Variants in SPMIP11 observed in about 807,000 individuals in gnomAD.
The protein encoded by SPMIP11 is long intergenic non-protein coding RNA 935.
chr12:48,762,722 T>C, the SPMIP11 span, among the ~76,000 whole-genome samples: 1 of 152,002 alleles, frequency 6.6e-6, no homozygotes, highest in African/African-American at 2.4e-5. Context: ...GATCACTGAT[T>C]TCCAAAGCGG....
At chr12:48,746,782 A>G in the SPMIP11 span, among the ~76,000 whole-genome samples, 5 of 148,604 alleles carry the variant, frequency 3.4e-5, no homozygotes, top group East Asian at 4.4e-4. Context: ...TTAGCTGGGC[A>G]TGGTGGTGCA....
chr12:48,764,805 G>C, the SPMIP11 span: 1 of 696,558 alleles, frequency 1.4e-6, no homozygotes, highest in South Asian at 1.5e-5. Flanking sequence ...AGTGAGCAGA[G>C]AACTTGAAGG....
At chr12:48,755,521 C>G in the SPMIP11 span, among the ~76,000 whole-genome samples, 2 of 152,124 alleles carry the variant, frequency 1.3e-5, no homozygotes, top group African/African-American at 4.8e-5. Context: ...AGGTACCTTC[C>G]AAACCTTGGC....
chr12:48,762,897 C>CTGTTTT, the SPMIP11 span, among the ~76,000 whole-genome samples: 27 of 152,020 alleles, frequency 1.8e-4, no homozygotes, highest in South Asian at 2.1e-4. Context: ...CATGATTTCC[C>CTGTTTT]TGTTTTTGTT....
the SPMIP11 span, among the ~76,000 whole-genome samples, chr12:48,737,431 T>TTG: frequency 4.0e-5 from 6 of 150,780 alleles, no homozygotes; most frequent in African/African-American, 1.5e-4. Flanking sequence ...TTTTTTTTTT[T>TTG]GAGATGGAGT....
chr12:48,737,756 A>T, the SPMIP11 span, among the ~76,000 whole-genome samples: 1 of 151,296 alleles, frequency 6.6e-6, no homozygotes, highest in Admixed American at 6.6e-5. Context: ...TTTTCAAACT[A>T]CCATTTGTCA....
the SPMIP11 span, among the ~76,000 whole-genome samples, chr12:48,763,147 C>G: frequency 6.6e-6 from 1 of 152,142 alleles, no homozygotes; most frequent in South Asian, 2.1e-4. Flanking sequence ...TAAGTTATTT[C>G]TAATAGCAAA....
At chr12:48,746,911 ACT>A in the SPMIP11 span, among the ~76,000 whole-genome samples, 2 of 151,136 alleles carry the variant, frequency 1.3e-5, no homozygotes, top group East Asian at 2.0e-4. Flanking sequence ...ACAAAGTGAG[ACT>A]CTGTCTCAAA....
At chr12:48,735,183 T>G in the SPMIP11 span, among the ~76,000 whole-genome samples, 1 of 152,102 alleles carries the variant, frequency 6.6e-6, no homozygotes, top group South Asian at 2.1e-4. Context: ...TGGAAGTAGA[T>G]TCTTCTCTAC....
the SPMIP11 span, among the ~76,000 whole-genome samples, chr12:48,730,894 C>T: frequency 6.6e-6 from 1 of 152,128 alleles, no homozygotes; most frequent in Admixed American, 6.6e-5. Context: ...GGCGTGATCG[C>T]ATCATTGCAC....
At chr12:48,747,459 C>A in the SPMIP11 span, among the ~76,000 whole-genome samples, 1 of 152,240 alleles carries the variant, frequency 6.6e-6, no homozygotes, top group Admixed American at 6.5e-5. Flanking sequence ...CTCCACCTCC[C>A]ACTTTGATCA....
At chr12:48,744,460 G>A in the SPMIP11 span, among the ~76,000 whole-genome samples, 5 of 152,148 alleles carry the variant, frequency 3.3e-5, no homozygotes, top group African/African-American at 9.6e-5. Flanking sequence ...CTGGCCAGGT[G>A]CAGTGGCTCA....
the SPMIP11 span, among the ~76,000 whole-genome samples, chr12:48,758,011 A>G: frequency 3.3e-5 from 5 of 151,934 alleles, no homozygotes; most frequent in African/African-American, 1.2e-4. Flanking sequence ...GAAAAACTAT[A>G]TATATGTGGG....
the SPMIP11 span, among the ~76,000 whole-genome samples, chr12:48,731,975 C>T: frequency 6.6e-6 from 1 of 151,824 alleles, no homozygotes; most frequent in South Asian, 2.1e-4. Flanking sequence ...ATGGCAAAAC[C>T]GCGTCTCTAC....
chr12:48,764,155 G>A, the SPMIP11 span, among the ~76,000 whole-genome samples: 1 of 150,240 alleles, frequency 6.7e-6, no homozygotes, highest in Non-Finnish European at 1.5e-5. Context: ...GCTAATTTTT[G>A]TATTTTTTTT....
the SPMIP11 span, chr12:48,767,358 C>T: frequency 1.5e-3 from 235 of 152,834 alleles, 2 homozygotes; most frequent in Non-Finnish European, 1.5e-5. Context: ...TTTGCTACCA[C>T]ACCCCATCCC....
chr12:48,743,010 G>A, the SPMIP11 span, among the ~76,000 whole-genome samples: 1 of 152,102 alleles, frequency 6.6e-6, no homozygotes, highest in Non-Finnish European at 1.5e-5. Context: ...GCACTTTGGA[G>A]GCTGAGGTGG....
At chr12:48,742,076 C>T in the SPMIP11 span, among the ~76,000 whole-genome samples, 4 of 151,840 alleles carry the variant, frequency 2.6e-5, no homozygotes, top group African/African-American at 9.7e-5. Context: ...AAGTTTACTA[C>T]AATTTTAAAA....
chr12:48,754,374 ACTC>A, the SPMIP11 span, among the ~76,000 whole-genome samples: 9 of 151,766 alleles, frequency 5.9e-5, no homozygotes, highest in Non-Finnish European at 1.3e-4. Flanking sequence ...CTGGTCTAAA[ACTC>A]CTAAACTCAA....
Sources: allele counts gnomAD v4.1 joint callset (sites outside exome capture counted in the v4.1 genomes callset), GRCh38; gene constraint gnomAD v4.1.1; transcripts MANE v1.5; gene names NCBI Gene and HGNC (gene_info 2026-07-23, HGNC 2026-07-21).